Variants in RBBP6 observed in about 807,000 individuals in gnomAD.
RBBP6 encodes RB binding protein 6, ubiquitin ligase.
RBBP6 carries 25 observed loss-of-function variants against 167.7 expected under a neutral mutation model. That is an observed-to-expected ratio of 0.15 (90% CI 0.11 to 0.21). RBBP6 has a LOEUF of 0.21. RBBP6 is among the 10% of genes least tolerant of loss of function. The pLI, the probability that RBBP6 is intolerant of heterozygous loss-of-function variation, is 1.00. For synonymous variants in RBBP6, 789 were observed against 735.8 expected, an observed-to-expected ratio of 1.07 and a Z score of -1.17; for missense variants, 1,868 against 2,134.2, an observed-to-expected ratio of 0.88 and a Z score of 2.46.
chr16:24,566,034 T>C (rs1899187370), intron 14 of RBBP6, among the ~76,000 whole-genome samples: 1 of 152,148 alleles, frequency 6.6e-6, no homozygotes, highest in African/African-American at 2.4e-5. Flanking sequence ...CACTGCACTT[T>C]AGCCTAGGGG....
chr16:24,564,987 C>G (rs1179246720), intron 14 of RBBP6, 122 bp downstream of exon 14: 2 of 1,424,250 alleles, frequency 1.4e-6, no homozygotes, highest in South Asian at 3.3e-5. Context: ...TTGTGCTTAT[C>G]CCTCTTAAGT....
rs773916079 is a variant in RBBP6, at chr16:24,569,584, G to C, written c.2894G>C (p.Gly965Ala). ...TCTAGGAAATCAAGAGAACCTACAG[G>C]TGTTGAAGAAAATAAAACAGACTCA... Reference protein sequence around the residue: ...ETSRKSREPTGVEENKTDSLF... With the variant: ...ETSRKSREPTAVEENKTDSLF... Residue 965 changes from glycine to alanine, a missense_variant, in exon 17 of 18, where the codon GGT becomes GCT. By Grantham distance (60) the Gly-to-Ala change is moderately conservative. Around this residue, in one of 7 missense-constraint regions of RBBP6, gnomAD observed 673 missense variants for 691.5 expected, o/e 0.97. Transcript: ENST00000319715. The C allele has an allele frequency of 1.2e-6, 2 of 1,612,682 alleles. No homozygotes were observed. The highest frequency in any genetic ancestry group is 3.4e-5 in the Admixed American group (2 of 59,678).
At position 24,570,130 on chromosome 16, in the gene RBBP6, G is replaced by A. The variant is rs867560640; in HGVS notation, c.3440G>A (p.Arg1147Lys). 1 of 1,586,618 alleles carries A rather than the reference G, an allele frequency of 6.3e-7. No individual in the cohort carries two copies. The highest frequency in any genetic ancestry group is 8.5e-7 in the Non-Finnish European group (1 of 1,173,678). ...CCACTTGATAATAAGGGAGAAAAAA[G>A]AAAAAGAAAAACTGAAGAAAAAGGC... The part of the protein sequence containing the change: ...NKPLDNKGEK[R>K]KRKTEEKGVD... Residue 1147 changes from arginine to lysine, a missense_variant, in exon 17 of 18, where the codon AGA becomes AAA. Coordinates refer to ENST00000319715, the MANE Select transcript of RBBP6 (RefSeq NM_006910.5).
rs546316774 is a variant in RBBP6 at position 24,540,550 on chromosome 16, G to C, written c.-77G>C. ...TGAGTGTTTTGTGTGTACATATTTT[G>C]CTCTTAAAGTTTATAAATATACGTA... On this transcript the variant is annotated 5_prime_UTR_variant, in exon 1 of 18. Transcript: ENST00000319715. The C allele has an allele frequency of 1.4e-6, 2 of 1,406,430 alleles. No homozygotes were observed. The highest frequency in any genetic ancestry group is 9.7e-7 in the Non-Finnish European group (1 of 1,027,398). 87.1% of individuals were successfully genotyped at this position (1,406,430 alleles called of 1,614,324 possible). A position where few individuals can be genotyped will look rare whatever the true frequency, so the allele number is the denominator to read the frequency against.
chr16:24,569,802 G>T lies in RBBP6; in HGVS notation c.3112G>T (p.Ala1038Ser). The change falls in exon 17 of 18, where the codon GCT becomes TCT. Residue 1038 changes from alanine (A) to serine (S), a missense_variant. Physicochemically the swap from Ala to Ser is moderately conservative, Grantham distance 99. Coordinates refer to ENST00000319715, the MANE Select transcript of RBBP6 (RefSeq NM_006910.5). ...CAAAAAAGAAAATATTGTAAAACCT[G>T]CTAAAGGACCCCAAGAAAAAGTAGA... Reference protein sequence around the residue: ...VSKKENIVKPAKGPQEKVDGE... With the variant: ...VSKKENIVKPSKGPQEKVDGE... The T allele has an allele frequency of 6.2e-7, 1 of 1,612,494 alleles. No homozygotes were observed. Among genetic ancestry groups the T allele is most frequent in the Non-Finnish European group, 8.5e-7 (1 of 1,179,674 alleles).
At chr16:24,568,218 A>G (rs985979901) in intron 16 of RBBP6, among the ~76,000 whole-genome samples, 3 of 152,250 alleles carry the variant, frequency 2.0e-5, no homozygotes, top group Admixed American at 6.5e-5. Flanking sequence ...CCCTTTTACC[A>G]TAAGGCTACA....
At chr16:24,567,753 G>A (rs1239067561) in intron 15 of RBBP6, 39 bp from the exon 16 acceptor site, 1 of 1,515,712 alleles carries the variant, frequency 6.6e-7, no homozygotes, top group Non-Finnish European at 9.0e-7. Flanking sequence ...TTCTTAAATG[G>A]TTTTTGTTAA....
chr16:24,571,367 T>C lies in RBBP6; in HGVS notation c.4301T>C (p.Leu1434Pro). ...GAGAAAGAGAGTAATTTGGACCGTCTGAATGAACAAGGAAATTTTAAAAGT... is the reference window on the plus strand; with the variant it reads ...GAGAAAGAGAGTAATTTGGACCGTCCGAATGAACAAGGAAATTTTAAAAGT... ...QPEKESNLDR[L>P]NEQGNFKSLS... The change falls in exon 18 of 18, where the codon CTG becomes CCG. Residue 1434 changes from leucine (L) to proline (P), a missense_variant. Leu to Pro is a moderately conservative substitution (Grantham distance 98, BLOSUM62 -3). Around this residue, in one of 7 missense-constraint regions of RBBP6, gnomAD observed 591 missense variants for 540.5 expected, o/e 1.09. Coordinates refer to ENST00000319715, the MANE Select transcript of RBBP6 (RefSeq NM_006910.5). 3.7e-6 allele frequency: 6 copies of C among 1,614,046 alleles called. No individual in the cohort carries two copies. The highest frequency in any genetic ancestry group is 5.1e-6 in the Non-Finnish European group (6 of 1,180,012).
chr16:24,549,435 T>A, intron 3 of RBBP6: 1 of 945,326 alleles, frequency 1.1e-6, no homozygotes, highest in Non-Finnish European at 1.3e-6. Context: ...TCACTTAGTT[T>A]TTGTTAGTTT....
intron 17 of RBBP6, 69 bp downstream of exon 17, chr16:24,570,568 T>G (rs1448409536): frequency 3.7e-6 from 5 of 1,340,014 alleles, no homozygotes; most frequent in Non-Finnish European, 5.0e-6. Flanking sequence ...TTATCCATGC[T>G]TGTGCTTTTT....
chr16:24,566,762 ATAAG>A (rs1263950702), intron 14 of RBBP6, among the ~76,000 whole-genome samples: 8 of 152,156 alleles, frequency 5.3e-5, no homozygotes, highest in Admixed American at 1.3e-4. Context: ...AAATAAATGA[ATAAG>A]TAAGCTTTTG....
At chr16:24,548,870 T>C (rs1259477151) in intron 2 of RBBP6, 75 bp from the exon 3 acceptor site, 1 of 1,211,190 alleles carries the variant, frequency 8.3e-7, no homozygotes, top group Admixed American at 2.1e-5. Context: ...TTATTGAAGA[T>C]AATGTGTTAA....
chr16:24,562,001 T>A lies in RBBP6; in HGVS notation c.1129T>A (p.Ser377Thr). ...TCTTATGATTCCAGTGACATCTTCA[T>A]CAACTCACCCAGCTCCGTCTATATC... ...DPLMIPVTSS[S>T]THPAPSISSL... Residue 377 changes from serine to threonine, a missense_variant, in exon 10 of 18, where the codon TCA becomes ACA. Ser to Thr is a moderately conservative substitution (Grantham distance 58, BLOSUM62 1). Transcript: ENST00000319715. 6.2e-7 allele frequency: 1 copy of A among 1,613,836 alleles called. No homozygotes were observed. The highest frequency in any genetic ancestry group is 8.5e-7 in the Non-Finnish European group (1 of 1,179,766).
chr16:24,560,793 A>C (rs1899033300), intron 8 of RBBP6, among the ~76,000 whole-genome samples: 1 of 152,226 alleles, frequency 6.6e-6, no homozygotes. Context: ...AGTATACTGG[A>C]GGATGTACAT....
chr16:24,541,186 AAAAAAACAAAAAAAAAACC>A (rs1898478758), intron 1 of RBBP6, among the ~76,000 whole-genome samples: 2 of 110,570 alleles, frequency 1.8e-5, no homozygotes, highest in South Asian at 2.7e-4. Flanking sequence ...ATCAGCAAAA[AAAAAAACAAAAAAAAAACC>A]AAAAAAACAA....
chr16:24,560,388 G>A (rs1160814574), intron 8 of RBBP6, among the ~76,000 whole-genome samples: 1 of 152,166 alleles, frequency 6.6e-6, no homozygotes, highest in Non-Finnish European at 1.5e-5. Flanking sequence ...TTACAGGCGT[G>A]AGCCACCGCG....
intron 1 of RBBP6, among the ~76,000 whole-genome samples, chr16:24,542,869 A>G (rs1898539894): frequency 6.6e-6 from 1 of 152,224 alleles, no homozygotes; most frequent in Admixed American, 6.5e-5. Flanking sequence ...TACGTAATTC[A>G]AACCCAGAAA....
At position 24,551,786 on chromosome 16, in the gene RBBP6, G is replaced by A. The variant is rs73560572; in HGVS notation, c.304-1727G>A. Among the ~76,000 whole-genome samples, 686 of 151,580 alleles carry A rather than the reference G, an allele frequency of 4.5e-3. 5 individuals are homozygous for A. The highest frequency in any genetic ancestry group is 0.016 in the African/African-American group (662 of 41,418). On this transcript the variant is annotated intron_variant, in intron 3 of 17. Coordinates refer to ENST00000319715, the MANE Select transcript of RBBP6 (RefSeq NM_006910.5). Reference sequence around the variant, plus strand: ...TTATATTCTATTCTAGATAGTAATGGGCTATTTTTAAAGACTATTTGTTTT... The same window carrying A: ...TTATATTCTATTCTAGATAGTAATGAGCTATTTTTAAAGACTATTTGTTTT...
intron 14 of RBBP6, among the ~76,000 whole-genome samples, chr16:24,565,125 AGT>A (rs2058659672): frequency 6.6e-6 from 1 of 152,212 alleles, no homozygotes; most frequent in South Asian, 2.1e-4. Flanking sequence ...CAAACAGCAG[AGT>A]ATTGGCTTGC....
Sources: allele counts gnomAD v4.1 joint callset (sites outside exome capture counted in the v4.1 genomes callset), GRCh38; gene constraint gnomAD v4.1.1; regional missense constraint gnomAD v4.1.1; transcripts MANE v1.5; gene names NCBI Gene and HGNC (gene_info 2026-07-23, HGNC 2026-07-21).